The following PTPRD variants were observed in gnomAD, a reference collection of about 807,000 sequenced individuals.
The protein encoded by PTPRD is protein tyrosine phosphatase receptor type D.
A neutral mutation model predicts 214.5 loss-of-function variants in PTPRD; 34 were observed. The ratio of observed to expected loss-of-function variants is 0.16; its 90% CI spans 0.12 to 0.21. The LOEUF (loss-of-function observed/expected upper bound fraction) is 0.21, where lower values mean the gene tolerates loss of function less well. Among genes scored for constraint, PTPRD ranks in the 10% least tolerant of loss-of-function variants. The pLI, the probability that PTPRD is intolerant of heterozygous loss-of-function variation, is 1.00. For synonymous variants in PTPRD, 1,128 were observed against 845.7 expected (o/e 1.33, Z -5.79); for missense variants, 2,545 against 2,398.7 (o/e 1.06, Z -1.27).
chr9:8,341,945 G>A lies in PTPRD; in HGVS notation c.4695C>T (p.Val1565=), dbSNP rs1852813774. 4 of 1,612,372 alleles carry A rather than the reference G, an allele frequency of 2.5e-6. No homozygotes were observed. Among genetic ancestry groups the A allele is most frequent in the Non-Finnish European group, 3.4e-6 (4 of 1,179,364 alleles). ...AGVGRTGCFI[V]IDAMLERIKH... is the part of the protein sequence containing the mutation. ...TTATTCTTTCTAACATGGCATCTAT[G>A]ACGATGAAGCAACCAGTCCGGCCAA... The change falls in exon 40 of 46, where the codon GTC becomes GTT. Residue 1565 remains valine (V), a synonymous_variant. Transcript: ENST00000381196.
intron 4 of PTPRD, among the ~76,000 whole-genome samples, chr9:9,974,408 A>T (rs1378124296): frequency 6.6e-6 from 1 of 152,192 alleles, no homozygotes; most frequent in Non-Finnish European, 1.5e-5. Flanking sequence ...CAGAGAATAA[A>T]ATTCATTTAA....
chr9:9,465,939 C>A (rs1481251711), intron 8 of PTPRD, among the ~76,000 whole-genome samples: 1 of 124,742 alleles, frequency 8.0e-6, no homozygotes, highest in Non-Finnish European at 1.8e-5. Flanking sequence ...ACAGTGACCA[C>A]AAATTGTGCT....
chr9:10,506,950 G>T (rs1031679205), intron 2 of PTPRD, among the ~76,000 whole-genome samples: 1 of 151,978 alleles, frequency 6.6e-6, no homozygotes, highest in Non-Finnish European at 1.5e-5. Context: ...CTGCCTGATT[G>T]CCCTGGCCAG....
chr9:10,179,133 A>G (rs1003371801), intron 3 of PTPRD, among the ~76,000 whole-genome samples: 1 of 152,058 alleles, frequency 6.6e-6, no homozygotes, highest in Non-Finnish European at 1.5e-5. Flanking sequence ...GTCACCTAAA[A>G]TATAGAATGA....
intron 9 of PTPRD, among the ~76,000 whole-genome samples, chr9:9,373,307 A>C (rs542946191): frequency 6.6e-6 from 1 of 152,074 alleles, no homozygotes; most frequent in East Asian, 1.9e-4. Flanking sequence ...AATTTAAGTG[A>C]CTTTCTATAA....
At chr9:8,911,616 T>C (rs574722575) in intron 11 of PTPRD, among the ~76,000 whole-genome samples, 2 of 152,234 alleles carry the variant, frequency 1.3e-5, no homozygotes, top group African/African-American at 4.8e-5. Flanking sequence ...TAGGTAAAGA[T>C]TTCTTACATA....
intron 5 of PTPRD, among the ~76,000 whole-genome samples, chr9:9,889,941 G>A (rs1489413530): frequency 6.6e-6 from 1 of 151,992 alleles, no homozygotes; most frequent in African/African-American, 2.4e-5. Context: ...GAACGGCAGA[G>A]GGTGAATTAT....
chr9:8,768,292 T>C (rs1276810165), intron 11 of PTPRD, among the ~76,000 whole-genome samples: 3 of 152,190 alleles, frequency 2.0e-5, no homozygotes, highest in South Asian at 2.1e-4. Flanking sequence ...TAGTCCTGCC[T>C]GTAATCCCAA....
intron 7 of PTPRD, among the ~76,000 whole-genome samples, chr9:9,663,316 CTA>C (rs1255708193): frequency 6.6e-6 from 1 of 151,280 alleles, no homozygotes; most frequent in Non-Finnish European, 1.5e-5. Flanking sequence ...TTGTAAATAT[CTA>C]TATTTATATG....
At chr9:8,609,073 T>C (rs1490767288) in intron 14 of PTPRD, among the ~76,000 whole-genome samples, 1 of 152,146 alleles carries the variant, frequency 6.6e-6, no homozygotes, top group Non-Finnish European at 1.5e-5. Flanking sequence ...AAAAACAAAA[T>C]TCTCACATCT....
chr9:10,080,783 C>A (rs1394644160), intron 3 of PTPRD, among the ~76,000 whole-genome samples: 1 of 152,036 alleles, frequency 6.6e-6, no homozygotes, highest in Non-Finnish European at 1.5e-5. Flanking sequence ...CTATTTTATG[C>A]TCTTGACCAT....
chr9:8,712,977 C>T (rs1204263048), intron 12 of PTPRD, among the ~76,000 whole-genome samples: 1 of 152,176 alleles, frequency 6.6e-6, no homozygotes, highest in African/African-American at 2.4e-5. Flanking sequence ...CCTCGGCCTC[C>T]CAAAGTGCTG....
chr9:10,607,478 A>C (rs1591900057), intron 2 of PTPRD, among the ~76,000 whole-genome samples: 2 of 151,944 alleles, frequency 1.3e-5, no homozygotes, highest in African/African-American at 4.8e-5. Context: ...ATAAATGCTC[A>C]CATGCAAACA....
At chr9:10,575,222 G>C (rs1259147486) in intron 2 of PTPRD, among the ~76,000 whole-genome samples, 1 of 151,852 alleles carries the variant, frequency 6.6e-6, no homozygotes, top group African/African-American at 2.4e-5. Flanking sequence ...TCATTATTAA[G>C]AATTTAAAGA....
At chr9:8,563,990 G>C (rs2087690204) in intron 14 of PTPRD, among the ~76,000 whole-genome samples, 1 of 152,150 alleles carries the variant, frequency 6.6e-6, no homozygotes, top group Admixed American at 6.5e-5. Flanking sequence ...TCAAACTTTA[G>C]ACGGTGCGAA....
At chr9:8,528,309 G>A (rs904186859) in intron 15 of PTPRD, 24 of 470,174 alleles carry the variant, frequency 5.1e-5, no homozygotes, top group Middle Eastern at 2.9e-4. Context: ...CAAATACTGC[G>A]AAAAAGCAGT....
chr9:10,243,104 A>G, intron 3 of PTPRD, among the ~76,000 whole-genome samples: 1 of 152,012 alleles, frequency 6.6e-6, no homozygotes, highest in East Asian at 1.9e-4. Flanking sequence ...CACTTTATGG[A>G]CAATTTAACT....
chr9:10,446,982 C>G (rs181431923), intron 2 of PTPRD, among the ~76,000 whole-genome samples: 2 of 152,158 alleles, frequency 1.3e-5, no homozygotes, highest in African/African-American at 4.8e-5. Flanking sequence ...GTGAGACGAT[C>G]AGCCCAAATA....
chr9:9,530,911 G>T (rs1222789917), intron 8 of PTPRD, among the ~76,000 whole-genome samples: 1 of 152,108 alleles, frequency 6.6e-6, no homozygotes, highest in Non-Finnish European at 1.5e-5. Flanking sequence ...GGATGATGAG[G>T]AGGGGTTGGT....
Sources: gnomAD v4.1 joint callset for allele counts (sites outside exome capture counted in the v4.1 genomes callset) on GRCh38, gnomAD v4.1.1 for gene constraint, MANE v1.5 for transcripts, NCBI Gene and HGNC (gene_info 2026-07-23, HGNC 2026-07-21) for gene names.